Variants in ACVR1 observed in about 807,000 individuals in gnomAD.
The protein encoded by ACVR1 is activin receptor type-1.
Under a neutral mutation model 57.1 loss-of-function variants are expected in ACVR1, and 38 were observed. The observed-to-expected ratio is 0.67, with a 90% confidence interval of 0.51 to 0.87. ACVR1 has a LOEUF of 0.87. Among genes scored for constraint, ACVR1 ranks in the 40% least tolerant of loss-of-function variants. ACVR1 has a pLI of 0.00. For synonymous variants in ACVR1, 212 were observed against 228.1 expected, an observed-to-expected ratio of 0.93 and a Z score of 0.63; for missense variants, 463 against 638.2, an observed-to-expected ratio of 0.73 and a Z score of 2.96.
chr2:157,833,683 C>T (rs747184061), intron 1 of ACVR1, among the ~76,000 whole-genome samples: 1 of 151,894 alleles, frequency 6.6e-6, no homozygotes, highest in Non-Finnish European at 1.5e-5. Flanking sequence ...AAACATTTGT[C>T]TACCTGATTT....
At chr2:157,824,205 T>C (rs1574112061) in intron 1 of ACVR1, among the ~76,000 whole-genome samples, 1 of 152,194 alleles carries the variant, frequency 6.6e-6, no homozygotes, top group East Asian at 1.9e-4. Context: ...CAGTGGCTTA[T>C]GCCTGTAATC....
chr2:157,800,712 G>A (rs1156739732), intron 2 of ACVR1, among the ~76,000 whole-genome samples: 1 of 151,992 alleles, frequency 6.6e-6, no homozygotes, highest in Non-Finnish European at 1.5e-5. Context: ...TACTACTGTT[G>A]TTGTTTTTAT....
chr2:157,800,356 G>A (rs767805216), intron 2 of ACVR1, among the ~76,000 whole-genome samples: 2 of 152,122 alleles, frequency 1.3e-5, no homozygotes, highest in Middle Eastern at 3.4e-3. Flanking sequence ...GGCTGGGTGC[G>A]GTGGCTCACA....
intron 1 of ACVR1, among the ~76,000 whole-genome samples, chr2:157,871,332 C>T (rs775070617): frequency 6.6e-6 from 1 of 152,130 alleles, no homozygotes; most frequent in Non-Finnish European, 1.5e-5. Flanking sequence ...GAATCTGGGT[C>T]CCCCAAAAAG....
chr2:157,868,547 C>A (rs1291397575), intron 1 of ACVR1, among the ~76,000 whole-genome samples: 1 of 152,052 alleles, frequency 6.6e-6, no homozygotes, highest in Non-Finnish European at 1.5e-5. Context: ...AAAAAACAAG[C>A]CCCTTATATT....
At chr2:157,830,249 A>G (rs1441418437) in intron 1 of ACVR1, among the ~76,000 whole-genome samples, 3 of 152,144 alleles carry the variant, frequency 2.0e-5, no homozygotes, top group Non-Finnish European at 4.4e-5. Flanking sequence ...GCCCTTCATA[A>G]ATGTTGATAA....
intron 2 of ACVR1, among the ~76,000 whole-genome samples, chr2:157,805,427 G>T (rs908117637): frequency 1.3e-5 from 2 of 152,166 alleles, no homozygotes; most frequent in East Asian, 3.9e-4. Context: ...CATCATCCAC[G>T]TGAAGACACT....
intron 1 of ACVR1, among the ~76,000 whole-genome samples, chr2:157,874,519 A>T (rs565507775): frequency 5.8e-4 from 89 of 152,300 alleles, no homozygotes; most frequent in African/African-American, 2.1e-3. Context: ...ACCTCCAGAG[A>T]CAAGTGCCAG....
intron 1 of ACVR1, among the ~76,000 whole-genome samples, chr2:157,853,030 C>A (rs1689377160): frequency 6.6e-6 from 1 of 152,298 alleles, no homozygotes; most frequent in South Asian, 2.1e-4. Context: ...ACAATAAGAT[C>A]TCAAAACTAG....
chr2:157,841,201 T>C (rs868257624), intron 1 of ACVR1, among the ~76,000 whole-genome samples: 2 of 151,490 alleles, frequency 1.3e-5, no homozygotes, highest in Non-Finnish European at 1.5e-5. Flanking sequence ...ATAAATAAGA[T>C]TTCAGTTTGA....
At chr2:157,764,246 G>A (rs1336983380) in intron 8 of ACVR1, among the ~76,000 whole-genome samples, 3 of 151,922 alleles carry the variant, frequency 2.0e-5, no homozygotes, top group African/African-American at 7.3e-5. Flanking sequence ...GCAATAGCGC[G>A]ACCTCGGCTC....
chr2:157,763,664 G>T (rs1303078430), intron 8 of ACVR1, among the ~76,000 whole-genome samples: 4 of 152,160 alleles, frequency 2.6e-5, no homozygotes, highest in Non-Finnish European at 5.9e-5. Flanking sequence ...CGAGGCTGCA[G>T]TGACCTATGA....
At chr2:157,866,126 A>G (rs1039773304) in intron 1 of ACVR1, among the ~76,000 whole-genome samples, 1 of 152,224 alleles carries the variant, frequency 6.6e-6, no homozygotes, top group African/African-American at 2.4e-5. Flanking sequence ...TACTGTGCAC[A>G]TGTAATGAAA....
intron 3 of ACVR1, among the ~76,000 whole-genome samples, chr2:157,797,164 A>T (rs1687153803): frequency 6.6e-6 from 1 of 152,236 alleles, no homozygotes; most frequent in South Asian, 2.1e-4. Flanking sequence ...GCTATATGTG[A>T]CTATCAGCTA....
At chr2:157,873,368 GC>G (rs540917845) in intron 1 of ACVR1, among the ~76,000 whole-genome samples, 144 of 152,290 alleles carry the variant, frequency 9.5e-4, no homozygotes, top group African/African-American at 3.3e-3. Flanking sequence ...GAAGAGCTGA[GC>G]CCAGTGCCTA....
intron 3 of ACVR1, 67 bp from the exon 4 acceptor site, chr2:157,780,667 A>C: frequency 6.4e-7 from 1 of 1,570,134 alleles, no homozygotes; most frequent in Admixed American, 1.8e-5. Flanking sequence ...TTTCACCTTC[A>C]TTGAGGGAAT....
At chr2:157,849,667 T>A (rs971746096) in intron 1 of ACVR1, among the ~76,000 whole-genome samples, 1 of 152,254 alleles carries the variant, frequency 6.6e-6, no homozygotes, top group African/African-American at 2.4e-5. Context: ...AAAAATATTC[T>A]ACACATAGAT....
At chr2:157,848,927 C>G (rs776261175) in intron 1 of ACVR1, among the ~76,000 whole-genome samples, 1 of 151,976 alleles carries the variant, frequency 6.6e-6, no homozygotes, top group Non-Finnish European at 1.5e-5. Context: ...GTGTTGCTGT[C>G]ATAACTACAC....
At chr2:157,789,797 T>C (rs1686842595) in intron 3 of ACVR1, among the ~76,000 whole-genome samples, 1 of 152,162 alleles carries the variant, frequency 6.6e-6, no homozygotes, top group Admixed American at 6.5e-5. Flanking sequence ...TCACTAGGGA[T>C]TAAAGAGCAG....
Sources: allele counts gnomAD v4.1 joint callset (sites outside exome capture counted in the v4.1 genomes callset), GRCh38; gene constraint gnomAD v4.1.1; transcripts MANE v1.5; gene names NCBI Gene and HGNC (gene_info 2026-07-23, HGNC 2026-07-21).